Variants in DNAH14 observed in about 807,000 individuals in gnomAD.
DNAH14 encodes axonemal beta dynein heavy chain 14.
In DNAH14, 478 loss-of-function variants were observed where a neutral mutation model predicts 520.9. The observed-to-expected ratio is 0.92, with a 90% CI of 0.85 to 0.99. The LOEUF (loss-of-function observed/expected upper bound fraction) is 0.99. DNAH14 is among the 50% of genes least tolerant of loss of function. DNAH14 has a pLI of 0.00. For missense variants in DNAH14, 4,831 were observed against 5,234.5 expected (o/e 0.92, Z 2.38); for synonymous variants, 1,581 against 1,757.2 (o/e 0.90, Z 2.51).
Position 225,043,983 on chromosome 1 carries a change from A to G in DNAH14, c.1912A>G (p.Thr638Ala). ...NMLTNMEKCITTITPLCQDPQ... is the reference protein window; with the variant it reads ...NMLTNMEKCIATITPLCQDPQ... ...GTTGACTAATATGGAAAAATGTATAAGTAAGTGTTTTTAAAGCTTAGTGAA... is the reference window on the plus strand; with the variant it reads ...GTTGACTAATATGGAAAAATGTATAGGTAAGTGTTTTTAAAGCTTAGTGAA... Residue 638 changes from threonine (T) to alanine (A), a missense_variant and splice_region_variant, in exon 15 of 86, where the codon ACC becomes GCC. Coordinates refer to ENST00000682510, the MANE Select transcript of DNAH14 (RefSeq NM_001367479.1). 1.4e-6 allele frequency: 2 copies of G among 1,465,360 alleles called. No individual in the cohort carries two copies. The highest frequency in any genetic ancestry group is 1.8e-6 in the Non-Finnish European group (2 of 1,083,522). The allele number at this position is 1,465,360 out of a possible 1,614,324, so 90.8% of individuals were successfully genotyped here. A position where few individuals can be genotyped will look rare whatever the true frequency, so the allele number is the denominator to read the frequency against.
At chr1:224,934,776 GA>G (rs1439432378) in intron 1 of DNAH14, among the ~76,000 whole-genome samples, 1 of 151,862 alleles carries the variant, frequency 6.6e-6, no homozygotes. Context: ...AAAACACCAA[GA>G]GAAAAGATCC....
intron 66 of DNAH14, among the ~76,000 whole-genome samples, chr1:225,334,185 T>C (rs2094861500): frequency 6.6e-6 from 1 of 152,204 alleles, no homozygotes; most frequent in Non-Finnish European, 1.5e-5. Context: ...ATGCCTGTAA[T>C]GCCAGAACTT....
At chr1:224,984,614 A>G (rs1194655354) in intron 8 of DNAH14, among the ~76,000 whole-genome samples, 1 of 152,240 alleles carries the variant, frequency 6.6e-6, no homozygotes, top group Non-Finnish European at 1.5e-5. Flanking sequence ...CAATCCACAG[A>G]GTGGGAGAAA....
chr1:225,047,681 T>A (rs1162848087), intron 15 of DNAH14, among the ~76,000 whole-genome samples: 1 of 152,186 alleles, frequency 6.6e-6, no homozygotes, highest in African/African-American at 2.4e-5. Context: ...AATTTCAGAA[T>A]TGCTACTCCT....
At chr1:225,338,970 A>G (rs1302277993) in intron 68 of DNAH14, among the ~76,000 whole-genome samples, 1 of 152,126 alleles carries the variant, frequency 6.6e-6, no homozygotes, top group Non-Finnish European at 1.5e-5. Context: ...GCAGGGCTGC[A>G]GAGTCTCTCA....
chr1:225,376,610 T>C (rs1340410902), intron 78 of DNAH14, among the ~76,000 whole-genome samples: 1 of 152,232 alleles, frequency 6.6e-6, no homozygotes, highest in African/African-American at 2.4e-5. Context: ...TGTATTTCAA[T>C]TGTTCAGTTG....
At chr1:225,231,424 A>G (rs574102318) in intron 42 of DNAH14, among the ~76,000 whole-genome samples, 18 of 152,296 alleles carry the variant, frequency 1.2e-4, no homozygotes, top group Admixed American at 1.0e-3. Context: ...AAATGAATTT[A>G]TTGCATGAAT....
intron 23 of DNAH14, 82 bp downstream of exon 23, chr1:225,100,966 C>A: frequency 1.8e-6 from 2 of 1,135,568 alleles, no homozygotes; most frequent in Non-Finnish European, 1.2e-6. Context: ...ACTGCAGAAG[C>A]TAATTCCAGT....
At chr1:225,225,668 C>T (rs962287541) in intron 41 of DNAH14, among the ~76,000 whole-genome samples, 1 of 152,116 alleles carries the variant, frequency 6.6e-6, no homozygotes, top group Non-Finnish European at 1.5e-5. Flanking sequence ...AAATTTCAAT[C>T]AACCATAAAA....
chr1:224,931,762 A>G (rs1017366886), intron 1 of DNAH14, among the ~76,000 whole-genome samples: 1 of 152,144 alleles, frequency 6.6e-6, no homozygotes, highest in Admixed American at 6.5e-5. Flanking sequence ...AGTTCCATCT[A>G]TGTTACTGCA....
intron 10 of DNAH14, among the ~76,000 whole-genome samples, chr1:225,009,032 T>C (rs10915759): frequency 0.86 from 129,142 of 150,194 alleles, 56,300 homozygotes; most frequent in Non-Finnish European, 0.96. Flanking sequence ...GGATAGATTG[T>C]AAAAATTTTC....
In DNAH14 at chr1:224,966,976, A is replaced by G. The variant is rs149682589; in HGVS notation, c.499-455A>G. ...TAAAGATAATGTATATGAAAGAGTT[A>G]TTACTCATTAAATATTTATTACTTA... On this transcript the variant is annotated intron_variant, in intron 5 of 85. Transcript: ENST00000682510. Among the ~76,000 whole-genome samples, 560 of 152,332 alleles carry G rather than the reference A, an allele frequency of 3.7e-3. 4 individuals carry two copies. The highest frequency in any genetic ancestry group is 0.012 in the African/African-American group (488 of 41,580).
Position 225,119,148 on chromosome 1 carries a change from A to C in DNAH14, c.4092-72A>C, listed in dbSNP as rs891731674. 28 of 1,159,666 alleles carry C rather than the reference A, an allele frequency of 2.4e-5. No individual in the cohort carries two copies. In the Admixed American group the frequency reaches 4.0e-4, roughly 17 times the overall value. The allele number at this position is 1,159,666 out of a possible 1,614,324, so 71.8% of individuals were successfully genotyped here. A position where few individuals can be genotyped will look rare whatever the true frequency, so the allele number is the denominator to read the frequency against. ...AAAGTATGTAGAAAATTTAGTCTAC[A>C]GGCTTGTCAAAGGACTGAAACATGA... On this transcript the variant is annotated intron_variant, in intron 25 of 85. Transcript: ENST00000682510.
intron 1 of DNAH14, among the ~76,000 whole-genome samples, chr1:224,931,964 G>A (rs2058724157): frequency 6.6e-6 from 1 of 152,114 alleles, no homozygotes; most frequent in Non-Finnish European, 1.5e-5. Context: ...ACTTTGGTTA[G>A]ATACTCAGTA....
At chr1:225,254,445 T>C (rs2092668633) in intron 44 of DNAH14, among the ~76,000 whole-genome samples, 1 of 152,190 alleles carries the variant, frequency 6.6e-6, no homozygotes, top group Admixed American at 6.5e-5. Context: ...TTATATGCCA[T>C]GGCCAAAAAA....
chr1:225,110,070 T>C (rs1400931124), intron 23 of DNAH14, among the ~76,000 whole-genome samples: 1 of 152,162 alleles, frequency 6.6e-6, no homozygotes, highest in Non-Finnish European at 1.5e-5. Flanking sequence ...AAATGTGTTG[T>C]TGACTTTGGT....
Position 225,042,893 on chromosome 1 carries a change from A to G in DNAH14, c.1547A>G (p.Glu516Gly). 6.4e-7 allele frequency: 1 copy of G among 1,551,656 alleles called. No individual in the cohort carries two copies. Among genetic ancestry groups the G allele is most frequent in the Non-Finnish European group, 8.7e-7 (1 of 1,146,964 alleles). The change falls in exon 13 of 86, where the codon GAA (glutamate) becomes GGA (glycine). Residue 516 changes from glutamate to glycine, a missense_variant. Coordinates refer to ENST00000682510, the MANE Select transcript of DNAH14 (RefSeq NM_001367479.1). ...AGAAAAACATATGCACCAATATTTG[A>G]AGTAAATCTATGCTTGAGAATTCCT... ...DLRKTYAPIF[E>G]VNLCLRIPAE...
chr1:225,374,961 T>A, intron 78 of DNAH14, 76 bp downstream of exon 78: 2 of 1,307,764 alleles, frequency 1.5e-6, no homozygotes, highest in African/African-American at 1.5e-5. Flanking sequence ...AAAATACATA[T>A]TTAAATAAAT....
At chr1:225,308,170 T>G in intron 59 of DNAH14, 115 bp from the exon 60 acceptor site, 1 of 1,083,726 alleles carries the variant, frequency 9.2e-7, no homozygotes, top group Non-Finnish European at 1.3e-6. Context: ...TAAATATATT[T>G]CAGGCTGATT....
Sources: allele counts gnomAD v4.1 joint callset (sites outside exome capture counted in the v4.1 genomes callset), GRCh38; gene constraint gnomAD v4.1.1; transcripts MANE v1.5; gene names NCBI Gene and HGNC (gene_info 2026-07-23, HGNC 2026-07-21).